TBC1D15: variants seen among roughly 807,000 people sequenced by gnomAD.
The protein encoded by TBC1D15 is GAP for RAB7.
In TBC1D15, 39 loss-of-function variants were observed where a neutral mutation model predicts 95.4. That is an observed-to-expected ratio of 0.41 (90% confidence interval 0.32 to 0.53). The LOEUF (loss-of-function observed/expected upper bound fraction) is 0.53, where lower values mean the gene tolerates loss of function less well. Among genes scored for constraint, TBC1D15 ranks in the 20% least tolerant of loss-of-function variants. The pLI, the probability that TBC1D15 is intolerant of heterozygous loss-of-function variation, is 0.29. For synonymous variants in TBC1D15, 258 were observed against 261.3 expected, an observed-to-expected ratio of 0.99 and a Z score of 0.12; for missense variants, 733 against 794.3, an observed-to-expected ratio of 0.92 and a Z score of 0.93.
chr12:71,900,276 T>A (rs571976739), intron 10 of TBC1D15, among the ~76,000 whole-genome samples: 1 of 152,284 alleles, frequency 6.6e-6, no homozygotes, highest in South Asian at 2.1e-4. Context: ...AGTATAAATA[T>A]CCATGGAAAC....
intron 3 of TBC1D15, 34 bp downstream of exon 3, chr12:71,873,037 G>T (rs769217374): frequency 1.4e-6 from 2 of 1,426,642 alleles, no homozygotes; most frequent in South Asian, 1.2e-5. Flanking sequence ...CTAAGGGAAT[G>T]CCATTTAAAA....
intron 6 of TBC1D15, 53 bp from the exon 7 acceptor site, chr12:71,894,633 C>G: frequency 6.7e-7 from 1 of 1,497,610 alleles, no homozygotes; most frequent in Non-Finnish European, 9.1e-7. Flanking sequence ...ATGGAGTATT[C>G]GTTTTTCTTT....
At chr12:71,839,943 G>T in intron 1 of TBC1D15, 132 bp downstream of exon 1, 4 of 1,146,978 alleles carry the variant, frequency 3.5e-6, no homozygotes, top group Non-Finnish European at 5.1e-6. Flanking sequence ...TGTAGGAGAA[G>T]ACTGGGTGGT....
At chr12:71,866,698 G>C (rs1189276261) in intron 1 of TBC1D15, among the ~76,000 whole-genome samples, 2 of 152,130 alleles carry the variant, frequency 1.3e-5, no homozygotes, top group Non-Finnish European at 2.9e-5. Flanking sequence ...CAGTCCTCCT[G>C]CCTCGACCTC....
At chr12:71,849,359 G>A in intron 1 of TBC1D15, 1 of 1,382,096 alleles carries the variant, frequency 7.2e-7, no homozygotes, top group Non-Finnish European at 1.0e-6. Context: ...TCTAGCTGTT[G>A]TCCAAGGAAT....
At chr12:71,922,902 A>G in intron 16 of TBC1D15, 81 bp from the exon 17 acceptor site, 1 of 1,252,066 alleles carries the variant, frequency 8.0e-7, no homozygotes, top group Non-Finnish European at 1.1e-6. Context: ...GAATCAATGT[A>G]GTCTTAAACA....
chr12:71,848,315 A>T (rs1886847943), intron 1 of TBC1D15, among the ~76,000 whole-genome samples: 1 of 152,210 alleles, frequency 6.6e-6, no homozygotes, highest in South Asian at 2.1e-4. Context: ...CTGGCAGTGT[A>T]TGAAAGTTCC....
intron 1 of TBC1D15, among the ~76,000 whole-genome samples, chr12:71,847,414 G>A (rs1254950796): frequency 6.6e-6 from 1 of 151,516 alleles, no homozygotes; most frequent in Non-Finnish European, 1.5e-5. Context: ...AATATCCATT[G>A]GGCCAGGCAC....
chr12:71,886,649 T>C (rs17815179), intron 5 of TBC1D15, among the ~76,000 whole-genome samples: 8,817 of 152,312 alleles, frequency 0.058, 360 homozygotes, highest in South Asian at 0.15. Context: ...TAATCACCTC[T>C]AGCTGGCAAC....
chr12:71,917,923 C>T lies in TBC1D15; in HGVS notation c.1501+126C>T, dbSNP rs531933870. The T allele has an allele frequency of 6.5e-4, 376 of 582,598 alleles. 1 individual carries two copies. Among genetic ancestry groups the T allele is most frequent in the Non-Finnish European group, 9.0e-4 (302 of 334,834 alleles). 36.1% of individuals were successfully genotyped at this position (582,598 alleles called of 1,614,324 possible). A position where few individuals can be genotyped will look rare whatever the true frequency, so the allele number is the denominator to read the frequency against. ...CCTATAATCCCAGCACTTTGGAAGC[C>T]AAGGAGGGAGGATTACTTGCACCCA... On this transcript the variant is annotated intron_variant, in intron 13 of 16. Coordinates refer to ENST00000485960, the MANE Select transcript of TBC1D15 (RefSeq NM_001146213.3).
intron 16 of TBC1D15, among the ~76,000 whole-genome samples, chr12:71,922,097 T>C (rs918086011): frequency 1.3e-5 from 2 of 152,148 alleles, no homozygotes; most frequent in Non-Finnish European, 2.9e-5. Context: ...ACTTTGCTTT[T>C]TTTTTGAGAC....
Position 71,894,225 on chromosome 12 carries a change from A to G in TBC1D15, c.658-461A>G, listed in dbSNP as rs560781529. On this transcript the variant is annotated intron_variant, in intron 6 of 16. Coordinates refer to ENST00000485960, the MANE Select transcript of TBC1D15 (RefSeq NM_001146213.3). ...TTCATATAATTAGATTAAAATGTCA[A>G]CTAATATTTAAATATGAGTTTTTAA... 4.9e-4 allele frequency: 453 copies of G among 918,090 alleles called. 1 individual carries two copies. The African/African-American group carries it at 6.8e-3, about 14-fold the overall frequency. The allele number at this position is 918,090 out of a possible 1,614,324, so 56.9% of individuals were successfully genotyped here.
At chr12:71,902,905 A>G (rs953763104) in intron 10 of TBC1D15, among the ~76,000 whole-genome samples, 1 of 151,614 alleles carries the variant, frequency 6.6e-6, no homozygotes, top group African/African-American at 2.4e-5. Flanking sequence ...AAAATGGGCA[A>G]AGGACATGAG....
intron 1 of TBC1D15, among the ~76,000 whole-genome samples, chr12:71,865,820 C>T (rs1226314090): frequency 6.6e-6 from 1 of 152,062 alleles, no homozygotes; most frequent in Non-Finnish European, 1.5e-5. Flanking sequence ...GCACCAGTTT[C>T]CCAGGGAGTG....
chr12:71,920,957 T>G, intron 15 of TBC1D15, 110 bp downstream of exon 15: 2 of 778,056 alleles, frequency 2.6e-6, no homozygotes, highest in Non-Finnish European at 4.2e-6. Flanking sequence ...TAACTTAAAT[T>G]GTGTCAATAA....
intron 16 of TBC1D15, among the ~76,000 whole-genome samples, chr12:71,921,676 A>G (rs762483952): frequency 6.6e-6 from 1 of 152,222 alleles, no homozygotes; most frequent in African/African-American, 2.4e-5. Context: ...AAATGGTAAA[A>G]GTAATGAAAA....
rs758689458 is a variant in TBC1D15 at position 71,923,091 on chromosome 12, A to T, written c.1912A>T (p.Thr638Ser). 1 of 1,614,210 alleles carries T rather than the reference A, an allele frequency of 6.2e-7. No homozygotes were observed. Among genetic ancestry groups the T allele is most frequent in the Non-Finnish European group, 8.5e-7 (1 of 1,180,036 alleles). ...DENVVMTPCP[T>S]SAFQSNALPT... The stretch of plus-strand genomic sequence containing the variant: ...AAATGTTGTCATGACTCCTTGTCCT[A>T]CATCTGCATTTCAAAGTAATGCCTT... The change falls in exon 17 of 17, where the codon ACA becomes TCA. Residue 638 changes from threonine (T) to serine (S), a missense_variant. Transcript: ENST00000485960.
intron 4 of TBC1D15, among the ~76,000 whole-genome samples, chr12:71,883,007 A>T (rs899671970): frequency 1.3e-5 from 2 of 152,186 alleles, no homozygotes; most frequent in African/African-American, 2.4e-5. Context: ...CATATAGCAT[A>T]CATATAGTAT....
intron 1 of TBC1D15, chr12:71,861,456 T>A (rs1323394601): frequency 6.5e-7 from 1 of 1,532,134 alleles, no homozygotes; most frequent in Non-Finnish European, 8.8e-7. Flanking sequence ...TGTCCAGGAC[T>A]TTATCCATAC....
Sources: allele counts gnomAD v4.1 joint callset (sites outside exome capture counted in the v4.1 genomes callset), GRCh38; gene constraint gnomAD v4.1.1; transcripts MANE v1.5; gene names NCBI Gene and HGNC (gene_info 2026-07-23, HGNC 2026-07-21).